Variants in JAZF1 observed in about 807,000 individuals in gnomAD.
The protein encoded by JAZF1 is JAZF zinc finger 1, also known as juxtaposed with another zinc finger protein 1.
In JAZF1, 8 loss-of-function variants were observed where a neutral mutation model predicts 26.4. The observed-to-expected ratio is 0.30, with a 90% CI of 0.18 to 0.55. The LOEUF is 0.55. Among genes scored for constraint, JAZF1 ranks in the 20% least tolerant of loss-of-function variants. The pLI, the probability that JAZF1 is intolerant of heterozygous loss-of-function variation, is 0.94. For synonymous variants in JAZF1, 126 were observed against 122.3 expected, an observed-to-expected ratio of 1.03 and a Z score of -0.20; for missense variants, 199 against 322.0, an observed-to-expected ratio of 0.62 and a Z score of 2.92.
intron 2 of JAZF1, among the ~76,000 whole-genome samples, chr7:27,896,827 A>AT (rs1784073545): frequency 6.6e-6 from 1 of 152,228 alleles, no homozygotes; most frequent in Non-Finnish European, 1.5e-5. Flanking sequence ...TATAAACTGG[A>AT]TTTTATATGC....
intron 2 of JAZF1, among the ~76,000 whole-genome samples, chr7:27,969,492 T>C (rs1785337168): frequency 6.6e-6 from 1 of 152,032 alleles, no homozygotes; most frequent in African/African-American, 2.4e-5. Context: ...TTAGCAACGG[T>C]GCAGAGTGAA....
intron 1 of JAZF1, among the ~76,000 whole-genome samples, chr7:28,014,504 A>G (rs116263421): frequency 0.032 from 4,921 of 152,250 alleles, 99 homozygotes; most frequent in South Asian, 0.081. Flanking sequence ...TAAGTCTCAA[A>G]AGATCTGATA....
chr7:28,027,047 C>T (rs551992329), intron 1 of JAZF1, among the ~76,000 whole-genome samples: 26 of 152,338 alleles, frequency 1.7e-4, no homozygotes, highest in Admixed American at 9.1e-4. Flanking sequence ...AGTCTCCAAG[C>T]TCTGCGCTCA....
At chr7:28,084,601 G>A (rs1583551790) in intron 1 of JAZF1, among the ~76,000 whole-genome samples, 1 of 152,136 alleles carries the variant, frequency 6.6e-6, no homozygotes, top group Non-Finnish European at 1.5e-5. Context: ...TCTGTGCCAT[G>A]GTCAGTAAGG....
intron 1 of JAZF1, among the ~76,000 whole-genome samples, chr7:28,157,669 T>C (rs746160512): frequency 1.3e-5 from 2 of 152,214 alleles, no homozygotes; most frequent in South Asian, 2.1e-4. Flanking sequence ...GGAGGAGACA[T>C]ACTATCCACC....
At chr7:28,138,472 C>T (rs1782917788) in intron 1 of JAZF1, among the ~76,000 whole-genome samples, 1 of 152,200 alleles carries the variant, frequency 6.6e-6, no homozygotes, top group South Asian at 2.1e-4. Context: ...GCTATGCCTT[C>T]CTTCCCTAAT....
At chr7:27,983,125 G>C (rs568278190) in intron 2 of JAZF1, among the ~76,000 whole-genome samples, 1 of 152,336 alleles carries the variant, frequency 6.6e-6, no homozygotes, top group African/African-American at 2.4e-5. Flanking sequence ...GAAGGCTTCA[G>C]ATGACCGGTA....
intron 2 of JAZF1, among the ~76,000 whole-genome samples, chr7:27,906,158 C>G (rs544259679): frequency 6.6e-6 from 1 of 152,316 alleles, no homozygotes; most frequent in South Asian, 2.1e-4. Context: ...GCACTCAAAT[C>G]CAGTAGCTTC....
chr7:27,852,130 C>CTTTTTTTTTTTTTTTTTTTTTTT (rs113021262), intron 3 of JAZF1, among the ~76,000 whole-genome samples: 1 of 125,256 alleles, frequency 8.0e-6, no homozygotes, highest in Non-Finnish European at 1.8e-5. Context: ...ATAAACAGGA[C>CTTTTTTTTTTTTTTTTTTTTTTT]TTTTTTTTTT....
intron 1 of JAZF1, among the ~76,000 whole-genome samples, chr7:28,073,440 G>A (rs1006987221): frequency 6.6e-6 from 1 of 152,118 alleles, no homozygotes; most frequent in Non-Finnish European, 1.5e-5. Flanking sequence ...ATCAAAGCCA[G>A]GACCACATGA....
At chr7:28,077,985 T>C (rs1784079787) in intron 1 of JAZF1, among the ~76,000 whole-genome samples, 1 of 152,224 alleles carries the variant, frequency 6.6e-6, no homozygotes, top group Non-Finnish European at 1.5e-5. Context: ...GAGACTGCAA[T>C]GATGGCTGTG....
rs567075209 is a variant in JAZF1, at chr7:28,169,320, G to A, written c.115+11143C>T. 2.0e-5 allele frequency among the ~76,000 whole-genome samples: 3 copies of A among 152,298 alleles called. No homozygotes were observed. The South Asian group carries it at 6.2e-4, about 32-fold the overall frequency. On this transcript the variant is annotated intron_variant, in intron 1 of 4. Transcript: ENST00000283928. ...ATATATAAAAGGGAGTTTCCAATCTGGGCAGAATATTGAGACACATTAGTT... is the reference window on the plus strand; with the variant it reads ...ATATATAAAAGGGAGTTTCCAATCTAGGCAGAATATTGAGACACATTAGTT...
intron 3 of JAZF1, among the ~76,000 whole-genome samples, chr7:27,849,158 C>CA (rs1475190065): frequency 1.3e-5 from 2 of 152,170 alleles, no homozygotes; most frequent in African/African-American, 4.8e-5. Flanking sequence ...AACAGAGACG[C>CA]GACAAAGCAA....
intron 2 of JAZF1, among the ~76,000 whole-genome samples, chr7:27,970,910 G>C (rs1785363344): frequency 1.3e-5 from 2 of 152,138 alleles, no homozygotes; most frequent in Non-Finnish European, 2.9e-5. Flanking sequence ...GTTCGCCAAA[G>C]GGCTCCCACA....
In JAZF1 at chr7:28,180,625, C is replaced by A. The variant is rs1179796130; in HGVS notation, c.-48G>T. On this transcript the variant is annotated 5_prime_UTR_variant, in exon 1 of 5. Transcript: ENST00000283928. ...TGGTGTCGGCTCTGCGAGCGCCGGG[C>A]GGGCGAGGGAGGGAGGGAGGCCGGG... 3 of 852,588 alleles carry A rather than the reference C, an allele frequency of 3.5e-6. No homozygotes were observed. The highest frequency in any genetic ancestry group is 5.5e-5 in the East Asian group (1 of 18,264). The allele number at this position is 852,588 out of a possible 1,614,324, so 52.8% of individuals were successfully genotyped here.
At chr7:27,994,654 C>A (rs758312233) in intron 1 of JAZF1, among the ~76,000 whole-genome samples, 4 of 152,154 alleles carry the variant, frequency 2.6e-5, no homozygotes, top group Admixed American at 6.5e-5. Flanking sequence ...GTGCTGAAAT[C>A]TTAAAATGAA....
intron 2 of JAZF1, among the ~76,000 whole-genome samples, chr7:27,976,253 G>A (rs1216616907): frequency 6.6e-6 from 1 of 150,674 alleles, no homozygotes; most frequent in Non-Finnish European, 1.5e-5. Context: ...GGCTGAGGCA[G>A]GAGAATGGCG....
intron 2 of JAZF1, among the ~76,000 whole-genome samples, chr7:27,912,998 C>G (rs192952086): frequency 2.6e-5 from 4 of 152,180 alleles, no homozygotes; most frequent in African/African-American, 4.8e-5. Flanking sequence ...GTGTCCGTAT[C>G]GCTCCCTCGG....
intron 2 of JAZF1, among the ~76,000 whole-genome samples, chr7:27,967,690 T>A (rs988702720): frequency 2.0e-5 from 3 of 152,220 alleles, no homozygotes; most frequent in Non-Finnish European, 2.9e-5. Context: ...CTGGTGCTAT[T>A]TCTTTCCATT....
Sources: gnomAD v4.1 joint callset for allele counts (sites outside exome capture counted in the v4.1 genomes callset) on GRCh38, gnomAD v4.1.1 for gene constraint, MANE v1.5 for transcripts, NCBI Gene and HGNC (gene_info 2026-07-23, HGNC 2026-07-21) for gene names.